Variants in TNFAIP8 observed in about 807,000 individuals in gnomAD.
TNFAIP8 encodes the protein tumor necrosis factor alpha-induced protein 8.
In TNFAIP8, 7 loss-of-function variants were observed where a neutral mutation model predicts 13.3. The observed-to-expected ratio is 0.52, with a 90% CI of 0.30 to 0.99. The LOEUF (loss-of-function observed/expected upper bound fraction) is 0.99, where lower values mean the gene tolerates loss of function less well. TNFAIP8 is among the 50% of genes least tolerant of loss of function. The probability of loss-of-function intolerance (pLI) is 0.07; values close to 1 mark genes in which losing one functional copy is unlikely to be tolerated. For synonymous variants in TNFAIP8, 94 were observed against 87.6 expected (o/e 1.07, Z -0.41); for missense variants, 258 against 236.9 (o/e 1.09, Z -0.58).
chr5:119,274,694 T>C (rs1748386478), intron 1 of TNFAIP8, among the ~76,000 whole-genome samples: 1 of 152,218 alleles, frequency 6.6e-6, no homozygotes, highest in African/African-American at 2.4e-5. Flanking sequence ...GAAGCAAGGA[T>C]TCCCTGCCCT....
Position 119,356,057 on chromosome 5 carries a change from G to T in TNFAIP8, c.-34G>T. ...GCGGCTCGTCCGAGTACATGTGAGC[G>T]GTAATCGCCCCTGCAGCTGGTTATC... On this transcript the variant is annotated 5_prime_UTR_variant, in exon 1 of 2. Transcript: ENST00000504771. 1 of 1,562,644 alleles carries T rather than the reference G, an allele frequency of 6.4e-7. No homozygotes were observed. Among genetic ancestry groups the T allele is most frequent in the South Asian group, 1.2e-5 (1 of 85,244 alleles).
chr5:119,382,929 T>G (rs1238757965), intron 1 of TNFAIP8, among the ~76,000 whole-genome samples: 1 of 152,258 alleles, frequency 6.6e-6, no homozygotes, highest in Non-Finnish European at 1.5e-5. Flanking sequence ...ATTCTACAAA[T>G]TTGTTATGGT....
At chr5:119,276,692 C>T (rs966271522) in intron 1 of TNFAIP8, among the ~76,000 whole-genome samples, 3 of 152,200 alleles carry the variant, frequency 2.0e-5, no homozygotes, top group Admixed American at 6.5e-5. Flanking sequence ...GTCTCTCCCT[C>T]TTCATAGAGT....
intron 1 of TNFAIP8, among the ~76,000 whole-genome samples, chr5:119,346,646 C>T (rs548383577): frequency 6.6e-6 from 1 of 152,316 alleles, no homozygotes; most frequent in African/African-American, 2.4e-5. Flanking sequence ...CACCAACAAC[C>T]TAGCTTTGCA....
intron 1 of TNFAIP8, among the ~76,000 whole-genome samples, chr5:119,336,231 C>T (rs897275745): frequency 2.0e-5 from 3 of 152,182 alleles, no homozygotes; most frequent in Admixed American, 6.5e-5. Flanking sequence ...ACAAATGCAA[C>T]GTAGGCCAAA....
chr5:119,315,800 C>G (rs1749876625), intron 1 of TNFAIP8, among the ~76,000 whole-genome samples: 2 of 152,200 alleles, frequency 1.3e-5, no homozygotes, highest in Non-Finnish European at 2.9e-5. Flanking sequence ...ACCTCCACCA[C>G]CCACACACAC....
chr5:119,277,632 T>C (rs1325435075), intron 1 of TNFAIP8, among the ~76,000 whole-genome samples: 1 of 152,218 alleles, frequency 6.6e-6, no homozygotes, highest in Non-Finnish European at 1.5e-5. Context: ...CTTTCTGAGA[T>C]ATTGGGAGTT....
At chr5:119,304,677 C>G (rs950425336) in intron 1 of TNFAIP8, among the ~76,000 whole-genome samples, 1 of 152,244 alleles carries the variant, frequency 6.6e-6, no homozygotes, top group African/African-American at 2.4e-5. Flanking sequence ...AGTAACATAA[C>G]TGTTCCTGTT....
At chr5:119,351,796 C>CT (rs59878292), upstream of TNFAIP8, among the ~76,000 whole-genome samples, 1,433 of 127,728 alleles carry the variant, frequency 0.011, 19 homozygotes, top group Non-Finnish European at 0.017. Flanking sequence ...TTCTTTTTTT[C>CT]TTTTTTTTTT....
intron 1 of TNFAIP8, among the ~76,000 whole-genome samples, chr5:119,349,691 A>C (rs1236099994): frequency 6.6e-6 from 1 of 152,274 alleles, no homozygotes; most frequent in Non-Finnish European, 1.5e-5. Flanking sequence ...AGGCAGCTGA[A>C]TAAATAGAAG....
upstream of TNFAIP8, chr5:119,355,818 C>T: frequency 2.3e-6 from 2 of 872,576 alleles, no homozygotes; most frequent in Non-Finnish European, 2.8e-6. Context: ...GCCAGCCCCG[C>T]CAGGTCGCCT....
intron 1 of TNFAIP8, among the ~76,000 whole-genome samples, chr5:119,282,019 A>G (rs1388228389): frequency 6.6e-6 from 1 of 152,208 alleles, no homozygotes; most frequent in Non-Finnish European, 1.5e-5. Context: ...TCTAATGATG[A>G]TGATCTCAAT....
chr5:119,304,263 T>A lies in TNFAIP8; in HGVS notation c.1+35356T>A, dbSNP rs143269461. ...CCTCCTGTGTAGCTGGGATTACAGG[T>A]GGCTTGGCTAACCCAGCCTGAAATT... On this transcript the variant is annotated intron_variant, in intron 1 of 1. Transcript: ENST00000274456. 4.2e-3 allele frequency among the ~76,000 whole-genome samples: 647 copies of A among 152,242 alleles called. 5 individuals are homozygous for A. Among genetic ancestry groups the A allele is most frequent in the African/African-American group, 0.015 (636 of 41,548 alleles).
intron 1 of TNFAIP8, among the ~76,000 whole-genome samples, chr5:119,380,131 C>G (rs1191229524): frequency 2.0e-5 from 3 of 152,246 alleles, no homozygotes; most frequent in Admixed American, 6.5e-5. Flanking sequence ...ACTTCTGAGC[C>G]TCACTTCTCT....
At chr5:119,299,017 T>A (rs1366179306) in intron 1 of TNFAIP8, among the ~76,000 whole-genome samples, 1 of 152,172 alleles carries the variant, frequency 6.6e-6, no homozygotes, top group Non-Finnish European at 1.5e-5. Context: ...TCTAAATTTT[T>A]TTCAAAGTTT....
At chr5:119,351,336 T>C (rs1751135592), upstream of TNFAIP8, among the ~76,000 whole-genome samples, 1 of 152,122 alleles carries the variant, frequency 6.6e-6, no homozygotes, top group South Asian at 2.1e-4. Context: ...CTTACTCTAT[T>C]TGTATTGTAC....
chr5:119,334,624 CGTGTGTGTGTGTGTGTGT>C (rs59714206), intron 1 of TNFAIP8, among the ~76,000 whole-genome samples: 1 of 135,694 alleles, frequency 7.4e-6, no homozygotes, highest in Non-Finnish European at 1.6e-5. Flanking sequence ...GTGATCCTTT[CGTGTGTGTGTGTGTGTGT>C]GTGTGTGTGT....
intron 1 of TNFAIP8, among the ~76,000 whole-genome samples, chr5:119,316,543 T>A (rs1273531568): frequency 6.6e-6 from 1 of 152,126 alleles, no homozygotes; most frequent in Non-Finnish European, 1.5e-5. Flanking sequence ...ATACAATGCA[T>A]TTTTGAGTTG....
intron 1 of TNFAIP8, among the ~76,000 whole-genome samples, chr5:119,289,907 A>C (rs1487160100): frequency 6.6e-6 from 1 of 152,234 alleles, no homozygotes; most frequent in Non-Finnish European, 1.5e-5. Flanking sequence ...TTAAAGTTAA[A>C]AATAAATTAC....
Sources: gnomAD v4.1 joint callset for allele counts (sites outside exome capture counted in the v4.1 genomes callset) on GRCh38, gnomAD v4.1.1 for gene constraint, MANE v1.5 for transcripts, NCBI Gene and HGNC (gene_info 2026-07-23, HGNC 2026-07-21) for gene names.